The following CACNA1A variants were observed in gnomAD, a reference collection of about 807,000 sequenced individuals.
The protein encoded by CACNA1A is calcium voltage-gated channel subunit alpha1 A, also known as voltage-dependent P/Q-type calcium channel subunit alpha-1A.
CACNA1A carries 57 observed loss-of-function variants against 262.4 expected under a neutral mutation model. The observed-to-expected ratio is 0.22, with a 90% CI of 0.18 to 0.27. CACNA1A has a LOEUF of 0.27. CACNA1A is among the 10% of genes least tolerant of loss of function. The pLI is 1.00. For missense variants in CACNA1A, 2,526 were observed against 3,562.8 expected (o/e 0.71, Z 7.41); for synonymous variants, 1,431 against 1,419.3 (o/e 1.01, Z -0.18).
chr19:13,212,700 G>C lies in CACNA1A; in HGVS notation c.5981C>G (p.Ser1994Cys). 1 of 1,510,058 alleles carries C rather than the reference G, an allele frequency of 6.6e-7. No homozygotes were observed. Among genetic ancestry groups the C allele is most frequent in the Non-Finnish European group, 8.8e-7 (1 of 1,130,138 alleles). The allele number at this position is 1,510,058 out of a possible 1,614,324, so 93.5% of individuals were successfully genotyped here. A position where few individuals can be genotyped will look rare whatever the true frequency, so the allele number is the denominator to read the frequency against. Reference protein sequence around the residue: ...PLMFQRMEPPSPTQEGGPGQN... With the variant: ...PLMFQRMEPPCPTQEGGPGQN... ...GCCAGGTCCCCCTTCCTGCGTTGGG[G>C]ACGGGGGCTCCATGCGCTGGAACAT... is the stretch of plus-strand genomic sequence containing the variant. Residue 1994 changes from serine (S) to cysteine (C), a missense_variant, in exon 41 of 47, where the codon TCC (serine) becomes TGC (cysteine). By Grantham distance (112) the Ser-to-Cys change is moderately radical. This residue lies in a region of CACNA1A where 929 missense variants were observed against 868.1 expected (regional missense o/e 1.07). Coordinates refer to ENST00000360228, the MANE Select transcript of CACNA1A (RefSeq NM_001127222.2). This position sits in a 1 kb window ranked among gnomAD's most constrained non-coding sequence, Gnocchi z 5.6.
At chr19:13,383,954 A>G (rs528938421) in intron 3 of CACNA1A, among the ~76,000 whole-genome samples, 22 of 152,290 alleles carry the variant, frequency 1.4e-4, no homozygotes, top group Admixed American at 4.6e-4. Flanking sequence ...AGCTGGAACT[A>G]CAGGCATGCA....
chr19:13,486,692 GTC>G (rs34881258), intron 1 of CACNA1A, among the ~76,000 whole-genome samples: 101,518 of 151,486 alleles, frequency 0.67, 34,587 homozygotes, highest in African/African-American at 0.8. Context: ...TCTTCTTTCT[GTC>G]TCTCTTTCTC....
At chr19:13,300,767 A>G in intron 17 of CACNA1A, 111 bp from the exon 18 acceptor site, 1 of 846,250 alleles carries the variant, frequency 1.2e-6, no homozygotes, top group Non-Finnish European at 2.0e-6. Context: ...GACCAATCAG[A>G]ACCAAGGCTC....
At chr19:13,283,208 A>G in intron 22 of CACNA1A, 59 bp downstream of exon 22, 1 of 1,588,798 alleles carries the variant, frequency 6.3e-7, no homozygotes, top group Non-Finnish European at 8.6e-7. Context: ...TGGATGCAGG[A>G]GAAAGTGGCC....
At chr19:13,265,407 A>G (rs1269226514) in intron 24 of CACNA1A, among the ~76,000 whole-genome samples, 1 of 151,998 alleles carries the variant, frequency 6.6e-6, no homozygotes, top group Admixed American at 6.6e-5. Flanking sequence ...TTTTTAAAGG[A>G]CTCCATTTTT....
chr19:13,283,051 C>A (rs1396840544), intron 22 of CACNA1A, among the ~76,000 whole-genome samples: 4 of 152,222 alleles, frequency 2.6e-5, no homozygotes, highest in African/African-American at 9.6e-5. Flanking sequence ...GCCACCTCCA[C>A]CCCACCAGGC....
chr19:13,441,971 C>A (rs2060729585), intron 3 of CACNA1A, among the ~76,000 whole-genome samples: 1 of 152,174 alleles, frequency 6.6e-6, no homozygotes, highest in South Asian at 2.1e-4. Flanking sequence ...AACAAGGTCA[C>A]CTGGCCATCT....
chr19:13,295,700 G>A (rs2057652369), intron 19 of CACNA1A, among the ~76,000 whole-genome samples: 1 of 151,876 alleles, frequency 6.6e-6, no homozygotes, highest in Non-Finnish European at 1.5e-5. Context: ...TCCTTATGTC[G>A]CCCAGGTTGG....
At chr19:13,339,904 C>A (rs1375804688) in intron 6 of CACNA1A, among the ~76,000 whole-genome samples, 1 of 152,108 alleles carries the variant, frequency 6.6e-6, no homozygotes, top group African/African-American at 2.4e-5. Context: ...TCAGAAATGC[C>A]AATGCTTTGC....
At chr19:13,457,025 G>A (rs1423166159) in intron 1 of CACNA1A, among the ~76,000 whole-genome samples, 8 of 151,828 alleles carry the variant, frequency 5.3e-5, no homozygotes, top group African/African-American at 1.9e-4. Flanking sequence ...CGAGGTAGGA[G>A]GATTACTTGA....
Position 13,263,163 on chromosome 19 carries a change from A to G in CACNA1A, c.3990-330T>C, listed in dbSNP as rs375921565. 99 of 265,096 alleles carry G rather than the reference A, an allele frequency of 3.7e-4. 1 individual carries two copies. The South Asian group carries it at 5.3e-3, about 14-fold the overall frequency. 16.4% of individuals were successfully genotyped at this position (265,096 alleles called of 1,614,324 possible). ...GCTGATTCCCCACCCCCATTTCTGC[A>G]CAGCTTTTCTTTTTTCTTTTTTGAG... is the stretch of plus-strand genomic sequence containing the variant. On this transcript the variant is annotated intron_variant, in intron 24 of 46. Transcript: ENST00000360228.
intron 11 of CACNA1A, chr19:13,316,408 C>T (rs1208596801): frequency 6.6e-6 from 1 of 151,940 alleles, no homozygotes; most frequent in South Asian, 2.1e-4. Flanking sequence ...GGGAATAGGC[C>T]CAGAGGGCAA....
chr19:13,247,741 T>TAAATAAATAAATAAATAAATAAAA (rs1199585913), intron 30 of CACNA1A, among the ~76,000 whole-genome samples: 3 of 151,516 alleles, frequency 2.0e-5, no homozygotes, highest in African/African-American at 7.3e-5. Flanking sequence ...AATAAATAAA[T>TAAATAAATAAATAAATAAATAAAA]AAAAAGGAAT....
In CACNA1A at chr19:13,365,443, T is replaced by C. The variant is rs1239474432; in HGVS notation, c.658A>G (p.Met220Val). The change falls in exon 5 of 47, where the codon ATG becomes GTG. Residue 220 changes from methionine (M) to valine (V), a missense_variant. Physicochemically the swap from Met to Val is conservative, Grantham distance 21. Transcript: ENST00000360228. Reference sequence around the variant, plus strand: ...TGCAGCAAAGGGATCATCGCCTTCATGATCGACTTCAGGACGACTTGTAAA... The same window carrying C: ...TGCAGCAAAGGGATCATCGCCTTCACGATCGACTTCAGGACGACTTGTAAA... ...PSLQVVLKSI[M>V]KAMIPLLQIG... 6.2e-7 allele frequency: 1 copy of C among 1,613,816 alleles called. No individual in the cohort carries two copies. The highest frequency in any genetic ancestry group is 8.5e-7 in the Non-Finnish European group (1 of 1,179,806).
chr19:13,497,481 T>A (rs1238191706), intron 1 of CACNA1A, among the ~76,000 whole-genome samples: 1 of 26,820 alleles, frequency 3.7e-5, no homozygotes, highest in Non-Finnish European at 6.6e-5. Flanking sequence ...AGAATGAAAC[T>A]CCATCTCAAA....
At chr19:13,388,832 G>C (rs971964932) in intron 3 of CACNA1A, among the ~76,000 whole-genome samples, 4 of 152,160 alleles carry the variant, frequency 2.6e-5, no homozygotes, top group Non-Finnish European at 4.4e-5. Flanking sequence ...ATTTTTAACT[G>C]ACATAAGCAG....
intron 30 of CACNA1A, among the ~76,000 whole-genome samples, chr19:13,245,954 G>A (rs1019446477): frequency 6.6e-6 from 1 of 152,136 alleles, no homozygotes; most frequent in Non-Finnish European, 1.5e-5. Context: ...TTATAGGCGT[G>A]AGCCACCACT....
intron 5 of CACNA1A, chr19:13,364,579 C>G (rs1287044485): frequency 6.6e-6 from 1 of 152,194 alleles, no homozygotes; most frequent in Non-Finnish European, 1.5e-5. Context: ...ATAAATACCC[C>G]AGCTCCCTTG....
At position 13,298,976 on chromosome 19, in the gene CACNA1A, C is replaced by T. The variant is rs2144955896; in HGVS notation, c.2657G>A (p.Ser886Asn). Reference sequence around the variant, plus strand: ...CTCCCGGCTCAGCTCGGCCTCCTGGCTTCCCGCCCAGGGCCTCCGTGCGTC... The same window carrying T: ...CTCCCGGCTCAGCTCGGCCTCCTGGTTTCCCGCCCAGGGCCTCCGTGCGTC... Reference protein sequence around the residue: ...GLDARRPWAGSQEAELSREGP... With the variant: ...GLDARRPWAGNQEAELSREGP... Residue 886 changes from serine (S) to asparagine (N), a missense_variant, in exon 19 of 47, where the codon AGC (serine) becomes AAC (asparagine). By Grantham distance (46) the Ser-to-Asn change is conservative. This residue lies in a region of CACNA1A where 765 missense variants were observed against 748.6 expected (regional missense o/e 1.02). Transcript: ENST00000360228. 6.3e-7 allele frequency: 1 copy of T among 1,583,972 alleles called. No individual in the cohort carries two copies. Among genetic ancestry groups the T allele is most frequent in the South Asian group, 1.1e-5 (1 of 89,134 alleles).
Sources: allele counts gnomAD v4.1 joint callset (sites outside exome capture counted in the v4.1 genomes callset), GRCh38; gene constraint gnomAD v4.1.1; regional missense constraint gnomAD v4.1.1; non-coding constraint Gnocchi (gnomAD v3.1); transcripts MANE v1.5; gene names NCBI Gene and HGNC (gene_info 2026-07-23, HGNC 2026-07-21).